The following SCGB2B2 variants were observed in gnomAD, a reference collection of about 807,000 sequenced individuals.
SCGB2B2 encodes the protein secretoglobin family 2B member 2.
In SCGB2B2, 11 loss-of-function variants were observed where a neutral mutation model predicts 7.6. The observed-to-expected ratio is 1.45, with a 90% CI of 0.91 to 2.40. The LOEUF (loss-of-function observed/expected upper bound fraction) is 2.40, where lower values mean the gene tolerates loss of function less well. Ranked by LOEUF, SCGB2B2 falls within the 30% of genes most tolerant of loss-of-function variation. The probability of loss-of-function intolerance (pLI) is 0.00; values close to 1 mark genes in which losing one functional copy is unlikely to be tolerated. For synonymous variants in SCGB2B2, 50 were observed against 48.6 expected, an observed-to-expected ratio of 1.03 and a Z score of -0.12; for missense variants, 104 against 115.4, an observed-to-expected ratio of 0.90 and a Z score of 0.45.
chr19:34,649,842 T>C lies in SCGB2B2; in HGVS notation c.-2032+25788A>G, dbSNP rs1259464276. ...ACCTGATCCCACTGCCCTCTTCCTGTGCACCCCAGCTTTCCACTCTGTTGT... is the reference window on the plus strand; with the variant it reads ...ACCTGATCCCACTGCCCTCTTCCTGCGCACCCCAGCTTTCCACTCTGTTGT... On this transcript the variant is annotated intron_variant, in intron 1 of 3. Coordinates refer to ENST00000601241, the MANE Select transcript of SCGB2B2 (RefSeq NM_001025591.4). Among the ~76,000 whole-genome samples, 7 of 151,162 alleles carry C rather than the reference T, an allele frequency of 4.6e-5. 2 individuals are homozygous for C. The highest frequency in any genetic ancestry group is 1.7e-4 in the African/African-American group (7 of 40,462).
Position 34,595,654 on chromosome 19 carries a change from C to T in SCGB2B2, c.-1091G>A, listed in dbSNP as rs1472962202. Reference sequence around the variant, plus strand: ...TCCTCAGAGGCCTTTTGTGGCTTTCCACAACTTATTCCCGTATTTTTATGG... The same window carrying T: ...TCCTCAGAGGCCTTTTGTGGCTTTCTACAACTTATTCCCGTATTTTTATGG... On this transcript the variant is annotated 5_prime_UTR_variant, in exon 2 of 4. Transcript: ENST00000601241. The T allele has an allele frequency of 6.6e-6, 1 of 152,268 alleles. No homozygotes were observed. The highest frequency in any genetic ancestry group is 1.5e-5 in the Non-Finnish European group (1 of 68,056). The allele number at this position is 152,268 out of a possible 1,614,324, so 9.4% of individuals were successfully genotyped here. A position where few individuals can be genotyped will look rare whatever the true frequency, so the allele number is the denominator to read the frequency against.
At chr19:34,614,050 C>A (rs1402622815) in intron 1 of SCGB2B2, among the ~76,000 whole-genome samples, 1 of 152,142 alleles carries the variant, frequency 6.6e-6, no homozygotes, top group Non-Finnish European at 1.5e-5. Flanking sequence ...TTAGAATTCT[C>A]CCTCCTTCTT....
At chr19:34,632,634 C>T (rs749871272) in intron 1 of SCGB2B2, 7 of 152,158 alleles carry the variant, frequency 4.6e-5, no homozygotes, top group Non-Finnish European at 8.8e-5. Flanking sequence ...CTGAAATCCT[C>T]GTAACACTGT....
At chr19:34,620,573 A>G (rs577121095) in intron 1 of SCGB2B2, among the ~76,000 whole-genome samples, 1 of 152,098 alleles carries the variant, frequency 6.6e-6, no homozygotes, top group South Asian at 2.1e-4. Context: ...GTAAATGACA[A>G]GTTAATGGGT....
rs192238005 is a variant in SCGB2B2 at position 34,668,934 on chromosome 19, C to T, written c.-2032+6696G>A. Among the ~76,000 whole-genome samples the T allele has an allele frequency of 2.3e-4, 35 of 152,194 alleles. No individual in the cohort carries two copies. In the East Asian group the frequency reaches 5.4e-3, roughly 24 times the overall value. On this transcript the variant is annotated intron_variant, in intron 1 of 3. Coordinates refer to ENST00000601241, the MANE Select transcript of SCGB2B2 (RefSeq NM_001025591.4). ...AGATAAGAGAGTAAAAGCAGGCTGCCCCAGCCAGCAGTGGCAACCAGCTGG... is the reference window on the plus strand; with the variant it reads ...AGATAAGAGAGTAAAAGCAGGCTGCTCCAGCCAGCAGTGGCAACCAGCTGG...
rs1463642950 is a variant in SCGB2B2 at position 34,650,803 on chromosome 19, C to T, written c.-2032+24827G>A. 2.6e-5 allele frequency among the ~76,000 whole-genome samples: 4 copies of T among 151,344 alleles called. No individual in the cohort carries two copies. In the East Asian group the frequency reaches 5.8e-4, roughly 22 times the overall value. ...AAAACCAGAGAAGCACACACAACAA[C>T]AGAAAACTATAGGCCAATATCCATG... On this transcript the variant is annotated intron_variant, in intron 1 of 3. Coordinates refer to ENST00000601241, the MANE Select transcript of SCGB2B2 (RefSeq NM_001025591.4).
intron 1 of SCGB2B2, among the ~76,000 whole-genome samples, chr19:34,647,192 T>A (rs573944915): frequency 2.6e-5 from 4 of 152,320 alleles, no homozygotes; most frequent in Admixed American, 2.0e-4. Flanking sequence ...CATGTGACCA[T>A]GACAGGGGAC....
intron 1 of SCGB2B2, among the ~76,000 whole-genome samples, chr19:34,664,886 T>C (rs11084779): frequency 0.63 from 95,028 of 151,362 alleles, 30,446 homozygotes; most frequent in African/African-American, 0.73. Context: ...CTCCCCTCTT[T>C]CTTCATCCTC....
rs561533916 is a variant in SCGB2B2, at chr19:34,631,567, G to A, written c.-2031-34973C>T. On this transcript the variant is annotated intron_variant, in intron 1 of 3. Transcript: ENST00000601241. ...CATATACTTGAGACATATAAGATTT[G>A]CAGGATATATACACTGAAACTATAA... Among the ~76,000 whole-genome samples the A allele has an allele frequency of 2.2e-3, 255 of 118,044 alleles. 1 individual carries two copies. The highest frequency in any genetic ancestry group is 7.9e-3 in the African/African-American group (235 of 29,734). The allele number at this position is 118,044 out of a possible 152,430, so 77.4% of individuals were successfully genotyped here.
intron 1 of SCGB2B2, among the ~76,000 whole-genome samples, chr19:34,666,980 C>T (rs913449872): frequency 6.6e-6 from 1 of 152,110 alleles, no homozygotes; most frequent in African/African-American, 2.4e-5. Context: ...TATCATCCCA[C>T]GGAGCTGGAA....
At chr19:34,671,577 A>G (rs1281081333) in intron 1 of SCGB2B2, among the ~76,000 whole-genome samples, 1 of 152,198 alleles carries the variant, frequency 6.6e-6, no homozygotes, top group African/African-American at 2.4e-5. Context: ...GAGAAGAATT[A>G]GCACATTAAC....
intron 1 of SCGB2B2, among the ~76,000 whole-genome samples, chr19:34,603,876 T>C (rs2065703601): frequency 6.7e-6 from 1 of 149,722 alleles, no homozygotes. Flanking sequence ...GGTGAGATGA[T>C]AGCTCACTGT....
At chr19:34,590,630 G>C (rs1038355077), downstream of SCGB2B2, among the ~76,000 whole-genome samples, 1 of 152,166 alleles carries the variant, frequency 6.6e-6, no homozygotes, top group African/African-American at 2.4e-5. Flanking sequence ...CTAAGTTATG[G>C]CTGAAATTCA....
At chr19:34,622,771 C>A (rs1359916318) in intron 1 of SCGB2B2, among the ~76,000 whole-genome samples, 1 of 152,114 alleles carries the variant, frequency 6.6e-6, no homozygotes, top group East Asian at 1.9e-4. Flanking sequence ...CCTGTTTTTG[C>A]AACTTCCTTC....
intron 1 of SCGB2B2, among the ~76,000 whole-genome samples, chr19:34,662,581 ACTT>A (rs1342575777): frequency 2.6e-5 from 4 of 152,190 alleles, no homozygotes; most frequent in Non-Finnish European, 5.9e-5. Context: ...TAAACTTTAA[ACTT>A]CTGCTCATTA....
chr19:34,615,593 G>A (rs970242059), intron 1 of SCGB2B2, among the ~76,000 whole-genome samples: 4 of 152,092 alleles, frequency 2.6e-5, no homozygotes, highest in Non-Finnish European at 5.9e-5. Flanking sequence ...AGCAATAAGA[G>A]CTTCTAGTCT....
intron 1 of SCGB2B2, among the ~76,000 whole-genome samples, chr19:34,598,114 G>A (rs1425846642): frequency 2.0e-5 from 3 of 152,188 alleles, no homozygotes; most frequent in African/African-American, 7.2e-5. Flanking sequence ...CAGCAAGAAT[G>A]CAGGCCTTGC....
At chr19:34,588,271 GA>G (rs2065224550), downstream of SCGB2B2, among the ~76,000 whole-genome samples, 1 of 152,154 alleles carries the variant, frequency 6.6e-6, no homozygotes, top group South Asian at 2.1e-4. Flanking sequence ...ATTTTTCCAG[GA>G]ATTTATACAT....
intron 1 of SCGB2B2, among the ~76,000 whole-genome samples, chr19:34,666,474 T>C (rs139411768): frequency 2.2e-4 from 33 of 152,224 alleles, no homozygotes; most frequent in African/African-American, 7.2e-4. Context: ...TGCACATGGA[T>C]GCCTGCAGTG....
Sources: allele counts gnomAD v4.1 joint callset (sites outside exome capture counted in the v4.1 genomes callset), GRCh38; gene constraint gnomAD v4.1.1; transcripts MANE v1.5; gene names NCBI Gene and HGNC (gene_info 2026-07-23, HGNC 2026-07-21).